Variants in ABTB3 observed in about 807,000 individuals in gnomAD.
The protein encoded by ABTB3 is ankyrin repeat and BTB domain containing 3, also known as ankyrin repeat- and BTB/POZ domain-containing protein 3.
At chr12:107,410,103 A>T in the ABTB3 span, among the ~76,000 whole-genome samples, 1 of 152,016 alleles carries the variant, frequency 6.6e-6, no homozygotes, top group African/African-American at 2.4e-5. Context: ...TCCAGAGCAC[A>T]TCGGCCCAGC....
At chr12:107,635,863 C>G in the ABTB3 span, among the ~76,000 whole-genome samples, 4 of 84,444 alleles carry the variant, frequency 4.7e-5, no homozygotes, top group East Asian at 8.3e-4. Flanking sequence ...CCCCCCCCCC[C>G]ACCCACCCAC....
chr12:107,594,244 T>G, the ABTB3 span, among the ~76,000 whole-genome samples: 1 of 152,204 alleles, frequency 6.6e-6, no homozygotes, highest in Non-Finnish European at 1.5e-5. Flanking sequence ...CACCGTAATT[T>G]CATTCTCCTG....
chr12:107,599,048 G>A, the ABTB3 span, among the ~76,000 whole-genome samples: 2 of 152,172 alleles, frequency 1.3e-5, no homozygotes, highest in Non-Finnish European at 2.9e-5. Context: ...GTTGAACCCT[G>A]TCTGCCATCC....
chr12:107,331,537 T>G, the ABTB3 span, among the ~76,000 whole-genome samples: 1 of 152,086 alleles, frequency 6.6e-6, no homozygotes, highest in Non-Finnish European at 1.5e-5. Flanking sequence ...CACCAGGCAT[T>G]CAGAGGTGGA....
chr12:107,486,119 T>C, the ABTB3 span, among the ~76,000 whole-genome samples: 1 of 152,148 alleles, frequency 6.6e-6, no homozygotes, highest in East Asian at 1.9e-4. Flanking sequence ...TGAGGACTAG[T>C]GGGAGGTGTT....
the ABTB3 span, among the ~76,000 whole-genome samples, chr12:107,377,868 G>T: frequency 6.6e-6 from 1 of 152,206 alleles, no homozygotes; most frequent in Non-Finnish European, 1.5e-5. Context: ...AAGTCTGGTT[G>T]CTTCAATGAC....
At chr12:107,559,961 G>A in the ABTB3 span, among the ~76,000 whole-genome samples, 1 of 151,916 alleles carries the variant, frequency 6.6e-6, no homozygotes, top group Non-Finnish European at 1.5e-5. Flanking sequence ...CTACCCTGAG[G>A]TAGCCAAAAT....
chr12:107,435,880 A>G, the ABTB3 span, among the ~76,000 whole-genome samples: 2 of 152,236 alleles, frequency 1.3e-5, no homozygotes, highest in African/African-American at 4.8e-5. Context: ...TGTGCTGTCC[A>G]ACACAGCAGC....
the ABTB3 span, among the ~76,000 whole-genome samples, chr12:107,606,185 T>A: frequency 6.6e-6 from 1 of 152,146 alleles, no homozygotes; most frequent in Non-Finnish European, 1.5e-5. Flanking sequence ...ACTTGGACAG[T>A]TTTCTTAAAG....
chr12:107,625,302 C>T, the ABTB3 span, among the ~76,000 whole-genome samples: 71 of 152,280 alleles, frequency 4.7e-4, 2 homozygotes, highest in African/African-American at 1.6e-3. Flanking sequence ...ATCCTGCTAT[C>T]TTGATGCTGG....
chr12:107,635,145 T>A, the ABTB3 span: 2 of 676,976 alleles, frequency 3.0e-6, no homozygotes, highest in East Asian at 2.7e-5. Context: ...ACGACTTCTG[T>A]GCTACCCCAG....
At chr12:107,564,951 G>T in the ABTB3 span, among the ~76,000 whole-genome samples, 2 of 152,240 alleles carry the variant, frequency 1.3e-5, no homozygotes, top group Non-Finnish European at 1.5e-5. Context: ...CAGGAAAAAT[G>T]ATCTGTATGC....
At chr12:107,489,130 T>C in the ABTB3 span, among the ~76,000 whole-genome samples, 2 of 152,202 alleles carry the variant, frequency 1.3e-5, no homozygotes, top group Non-Finnish European at 2.9e-5. Context: ...CTGATAATAG[T>C]GCTGATGAAG....
the ABTB3 span, among the ~76,000 whole-genome samples, chr12:107,517,783 G>A: frequency 6.6e-6 from 1 of 152,144 alleles, no homozygotes; most frequent in African/African-American, 2.4e-5. Context: ...TTAAACTAAA[G>A]AGCTTCTGCA....
At chr12:107,513,060 G>T in the ABTB3 span, among the ~76,000 whole-genome samples, 1 of 152,154 alleles carries the variant, frequency 6.6e-6, no homozygotes, top group Admixed American at 6.5e-5. Context: ...ATAAATGTTG[G>T]ATTTCCTACC....
chr12:107,606,385 T>G, the ABTB3 span, among the ~76,000 whole-genome samples: 1 of 152,180 alleles, frequency 6.6e-6, no homozygotes, highest in South Asian at 2.1e-4. Flanking sequence ...TCTTTCTAAT[T>G]AAAATCAAGT....
the ABTB3 span, among the ~76,000 whole-genome samples, chr12:107,636,005 T>A: frequency 6.6e-6 from 1 of 152,010 alleles, no homozygotes; most frequent in East Asian, 1.9e-4. Context: ...CTGTGCCGGC[T>A]CCAGCCAAGC....
the ABTB3 span, chr12:107,320,068 C>T: frequency 3.3e-5 from 49 of 1,492,698 alleles, no homozygotes; most frequent in Admixed American, 7.7e-5. Flanking sequence ...GCGGGAAGAA[C>T]GCCAGCGGTA....
At chr12:107,520,518 T>A in the ABTB3 span, 1 of 1,614,204 alleles carries the variant, frequency 6.2e-7, no homozygotes, top group Admixed American at 1.7e-5. Flanking sequence ...GCCTGAATCT[T>A]CACAGAGACC....
Sources: gnomAD v4.1 joint callset for allele counts (sites outside exome capture counted in the v4.1 genomes callset) on GRCh38, gnomAD v4.1.1 for gene constraint, MANE v1.5 for transcripts, NCBI Gene and HGNC (gene_info 2026-07-23, HGNC 2026-07-21) for gene names.